Variants in LRRC4C observed in about 807,000 individuals in gnomAD.
LRRC4C encodes leucine rich repeat containing 4C, also known as leucine-rich repeat-containing protein 4C.
Under a neutral mutation model 33.6 loss-of-function variants are expected in LRRC4C, and 5 were observed. The ratio of observed to expected loss-of-function variants is 0.15; its 90% CI spans 0.08 to 0.31. The LOEUF (loss-of-function observed/expected upper bound fraction) is 0.31, where lower values mean the gene tolerates loss of function less well. Among genes scored for constraint, LRRC4C ranks in the 10% least tolerant of loss-of-function variants. The pLI, the probability that LRRC4C is intolerant of heterozygous loss-of-function variation, is 1.00. For missense variants in LRRC4C, 560 were observed against 796.7 expected, an observed-to-expected ratio of 0.70 and a Z score of 3.58; for synonymous variants, 329 against 302.0, an observed-to-expected ratio of 1.09 and a Z score of -0.93.
chr11:41,305,921 AATAAT>A (rs1194064478), intron 1 of LRRC4C, among the ~76,000 whole-genome samples: 51 of 60,818 alleles, frequency 8.4e-4, no homozygotes, highest in African/African-American at 1.3e-3. Flanking sequence ...ATTAAAAAAA[AATAAT>A]AAAATAAAAT....
chr11:40,173,369 G>T (rs1860205528), intron 5 of LRRC4C, among the ~76,000 whole-genome samples: 1 of 152,186 alleles, frequency 6.6e-6, no homozygotes, highest in South Asian at 2.1e-4. Flanking sequence ...CTGCATGTCT[G>T]GTTGTATGCC....
intron 4 of LRRC4C, among the ~76,000 whole-genome samples, chr11:40,250,793 C>T (rs1308655009): frequency 6.6e-6 from 1 of 152,026 alleles, no homozygotes. Context: ...TTTAACTTAA[C>T]AAAAGTCATC....
chr11:40,365,566 G>A (rs919678214), intron 3 of LRRC4C, among the ~76,000 whole-genome samples: 1 of 152,032 alleles, frequency 6.6e-6, no homozygotes, highest in Non-Finnish European at 1.5e-5. Flanking sequence ...CTTTGGGGGG[G>A]CCCGAGAGGA....
At chr11:40,930,633 T>C (rs1444341292) in intron 2 of LRRC4C, among the ~76,000 whole-genome samples, 1 of 152,180 alleles carries the variant, frequency 6.6e-6, no homozygotes, top group Admixed American at 6.5e-5. Flanking sequence ...TGATTCTCTA[T>C]AAGCCTTTAT....
intron 3 of LRRC4C, among the ~76,000 whole-genome samples, chr11:40,347,115 G>T (rs1299621162): frequency 1.3e-5 from 2 of 152,332 alleles, no homozygotes; most frequent in East Asian, 3.9e-4. Context: ...TACAAGAGAA[G>T]GTTGTTTGTC....
chr11:41,087,353 C>T (rs1377150524), intron 1 of LRRC4C, among the ~76,000 whole-genome samples: 1 of 152,046 alleles, frequency 6.6e-6, no homozygotes, highest in African/African-American at 2.4e-5. Context: ...ATCAATTATC[C>T]CTACCCAGCT....
chr11:41,398,193 C>T (rs991334888), intron 1 of LRRC4C, among the ~76,000 whole-genome samples: 1 of 151,964 alleles, frequency 6.6e-6, no homozygotes, highest in South Asian at 2.1e-4. Flanking sequence ...TCTACTGCCT[C>T]AGGGGTCACA....
chr11:41,279,428 A>ACACACACACACACCCC (rs58139193), intron 1 of LRRC4C, among the ~76,000 whole-genome samples: 3 of 140,788 alleles, frequency 2.1e-5, no homozygotes, highest in African/African-American at 8.2e-5. Flanking sequence ...ACACACACAC[A>ACACACACACACACCCC]CCGTGGCAAT....
intron 2 of LRRC4C, among the ~76,000 whole-genome samples, chr11:40,837,783 C>T (rs538247723): frequency 6.6e-6 from 1 of 151,544 alleles, no homozygotes; most frequent in South Asian, 2.1e-4. Context: ...CCAGGAAATC[C>T]AGGCTGCAGT....
chr11:40,928,074 A>G (rs1458915767), intron 2 of LRRC4C, among the ~76,000 whole-genome samples: 1 of 152,026 alleles, frequency 6.6e-6, no homozygotes, highest in Non-Finnish European at 1.5e-5. Context: ...GTTTTTTAAA[A>G]AACCCTATAA....
At chr11:40,700,292 C>G (rs4406816) in intron 2 of LRRC4C, among the ~76,000 whole-genome samples, 50,305 of 151,828 alleles carry the variant, frequency 0.33, 8,439 homozygotes, top group East Asian at 0.44. Flanking sequence ...CAGAAACACA[C>G]GCAGGTTTTT....
chr11:41,369,192 T>C (rs529494830), intron 1 of LRRC4C, among the ~76,000 whole-genome samples: 1 of 152,308 alleles, frequency 6.6e-6, no homozygotes, highest in South Asian at 2.1e-4. Flanking sequence ...TAAATACATA[T>C]GCACAAAGAT....
At chr11:40,919,618 A>G (rs1171265643) in intron 2 of LRRC4C, among the ~76,000 whole-genome samples, 1 of 152,010 alleles carries the variant, frequency 6.6e-6, no homozygotes, top group Non-Finnish European at 1.5e-5. Context: ...TCCTTCCACA[A>G]ATTTGTAAGA....
At chr11:40,219,392 T>C (rs1864236831) in intron 5 of LRRC4C, among the ~76,000 whole-genome samples, 1 of 152,180 alleles carries the variant, frequency 6.6e-6, no homozygotes, top group African/African-American at 2.4e-5. Context: ...AATCCACCCA[T>C]GTCTACCCTA....
At chr11:40,406,154 T>C (rs1949956531) in intron 3 of LRRC4C, among the ~76,000 whole-genome samples, 1 of 152,148 alleles carries the variant, frequency 6.6e-6, no homozygotes, top group Non-Finnish European at 1.5e-5. Flanking sequence ...GCTATTTACT[T>C]CTTAGAACAT....
chr11:40,318,634 T>A (rs556556170), intron 4 of LRRC4C, among the ~76,000 whole-genome samples: 2 of 152,302 alleles, frequency 1.3e-5, no homozygotes, highest in South Asian at 2.1e-4. Flanking sequence ...CACGGGTTGT[T>A]TATTAAATTA....
At chr11:40,428,280 A>G (rs896379918) in intron 3 of LRRC4C, among the ~76,000 whole-genome samples, 5 of 152,204 alleles carry the variant, frequency 3.3e-5, no homozygotes, top group African/African-American at 1.2e-4. Flanking sequence ...TGATTATAAA[A>G]GAATTGCAGT....
intron 4 of LRRC4C, among the ~76,000 whole-genome samples, chr11:40,257,199 G>T (rs1344654758): frequency 6.6e-6 from 1 of 152,102 alleles, no homozygotes; most frequent in African/African-American, 2.4e-5. Context: ...AATGTTTATT[G>T]TGCTTTACCT....
rs1270009707 is a variant in LRRC4C at position 40,307,054 on chromosome 11, G to GT, written c.-176+12573dup. On this transcript the variant is annotated intron_variant, in intron 4 of 6. Coordinates refer to ENST00000528697, the MANE Select transcript of LRRC4C (RefSeq NM_001258419.2). ...CTATATACAATTTTTTTTTGTTTTT[G>GT]TTTTTTTGCTTGGGGAGGTGCCCTA... Among the ~76,000 whole-genome samples the GT allele has an allele frequency of 5.8e-5, 8 of 138,386 alleles. No homozygotes were observed. In the East Asian group the frequency reaches 1.7e-3, roughly 29 times the overall value. 90.8% of individuals were successfully genotyped at this position (138,386 alleles called of 152,430 possible). A position where few individuals can be genotyped will look rare whatever the true frequency, so the allele number is the denominator to read the frequency against.
Sources: allele counts gnomAD v4.1 joint callset (sites outside exome capture counted in the v4.1 genomes callset), GRCh38; gene constraint gnomAD v4.1.1; transcripts MANE v1.5; gene names NCBI Gene and HGNC (gene_info 2026-07-23, HGNC 2026-07-21).